The following LRRC4C variants were observed in gnomAD, a reference collection of about 807,000 sequenced individuals.
LRRC4C encodes leucine-rich repeat-containing protein 4C.
A neutral mutation model predicts 33.6 loss-of-function variants in LRRC4C; 5 were observed. That is an observed-to-expected ratio of 0.15 (90% CI 0.08 to 0.31). The LOEUF (loss-of-function observed/expected upper bound fraction) is 0.31, where lower values mean the gene tolerates loss of function less well. Ranked by LOEUF, LRRC4C falls within the 10% of genes least tolerant of loss-of-function variation. The pLI is 1.00. For missense variants in LRRC4C, 560 were observed against 796.7 expected, an observed-to-expected ratio of 0.70 and a Z score of 3.58; for synonymous variants, 329 against 302.0, an observed-to-expected ratio of 1.09 and a Z score of -0.93.
At chr11:41,280,701 T>C (rs528513678) in intron 1 of LRRC4C, among the ~76,000 whole-genome samples, 1 of 152,328 alleles carries the variant, frequency 6.6e-6, no homozygotes, top group South Asian at 2.1e-4. Context: ...CATGTCCTTC[T>C]AGTATAGAAA....
chr11:40,720,541 A>C (rs1946959344), intron 2 of LRRC4C, among the ~76,000 whole-genome samples: 1 of 152,326 alleles, frequency 6.6e-6, no homozygotes, highest in South Asian at 2.1e-4. Context: ...AGTGAAACAT[A>C]GTGATTATAT....
intron 3 of LRRC4C, among the ~76,000 whole-genome samples, chr11:40,374,431 T>C (rs1366306231): frequency 1.3e-5 from 2 of 152,188 alleles, no homozygotes; most frequent in Non-Finnish European, 2.9e-5. Flanking sequence ...TATTTAATGG[T>C]ATTTATAATT....
At chr11:40,455,359 T>A (rs1040189726) in intron 3 of LRRC4C, among the ~76,000 whole-genome samples, 3 of 152,174 alleles carry the variant, frequency 2.0e-5, no homozygotes, top group Admixed American at 6.5e-5. Context: ...AGGATAGGCA[T>A]CCATCTGTCC....
At chr11:40,849,238 A>G (rs7925754) in intron 2 of LRRC4C, among the ~76,000 whole-genome samples, 7,693 of 152,192 alleles carry the variant, frequency 0.051, 491 homozygotes, top group African/African-American at 0.15. Context: ...CATAGTGTCA[A>G]TGGTCTTTAC....
intron 1 of LRRC4C, among the ~76,000 whole-genome samples, chr11:41,369,887 G>A (rs980012075): frequency 1.3e-5 from 2 of 152,184 alleles, no homozygotes. Flanking sequence ...CTAGGTACAA[G>A]GAGACTAATT....
intron 3 of LRRC4C, among the ~76,000 whole-genome samples, chr11:40,489,288 T>C (rs948827231): frequency 1.3e-5 from 2 of 152,106 alleles, no homozygotes; most frequent in Admixed American, 6.6e-5. Context: ...TGTAAGTCAC[T>C]CTCTGCCTAC....
intron 3 of LRRC4C, among the ~76,000 whole-genome samples, chr11:40,435,822 G>A (rs1951117806): frequency 6.6e-6 from 1 of 152,178 alleles, no homozygotes; most frequent in South Asian, 2.1e-4. Flanking sequence ...TCCTATAGGG[G>A]AATGAGGTGA....
At chr11:40,510,077 C>A (rs1955234917) in intron 3 of LRRC4C, among the ~76,000 whole-genome samples, 1 of 152,044 alleles carries the variant, frequency 6.6e-6, no homozygotes, top group South Asian at 2.1e-4. Context: ...GGAATCACCT[C>A]AGGGGTTCTT....
chr11:41,433,553 C>G (rs1381697036), intron 1 of LRRC4C, among the ~76,000 whole-genome samples: 2 of 152,108 alleles, frequency 1.3e-5, no homozygotes, highest in Non-Finnish European at 2.9e-5. Context: ...CACCCTGAAT[C>G]TGGGTGGGCA....
At chr11:40,681,425 G>A (rs1408663677) in intron 2 of LRRC4C, among the ~76,000 whole-genome samples, 1 of 152,196 alleles carries the variant, frequency 6.6e-6, no homozygotes, top group Non-Finnish European at 1.5e-5. Flanking sequence ...ACATTGTACA[G>A]TGAATGGCAA....
intron 3 of LRRC4C, among the ~76,000 whole-genome samples, chr11:40,502,182 AT>A (rs1954810334): frequency 1.3e-5 from 2 of 152,132 alleles, no homozygotes; most frequent in African/African-American, 4.8e-5. Flanking sequence ...CATTATCAGC[AT>A]TTTGGTCAAA....
intron 1 of LRRC4C, among the ~76,000 whole-genome samples, chr11:40,938,580 A>C (rs1958009933): frequency 6.6e-6 from 1 of 152,274 alleles, no homozygotes; most frequent in African/African-American, 2.4e-5. Context: ...AGTTTTAACC[A>C]CCTACTGCCT....
intron 1 of LRRC4C, among the ~76,000 whole-genome samples, chr11:41,027,312 G>T (rs1328018643): frequency 6.6e-6 from 1 of 151,594 alleles, no homozygotes; most frequent in African/African-American, 2.4e-5. Context: ...CTACCGGAGG[G>T]TACTTGACCT....
chr11:40,240,075 T>A (rs1254832906), intron 5 of LRRC4C, among the ~76,000 whole-genome samples: 1 of 152,326 alleles, frequency 6.6e-6, no homozygotes, highest in East Asian at 1.9e-4. Context: ...ATACTGGATA[T>A]TCTGGCATCA....
intron 3 of LRRC4C, among the ~76,000 whole-genome samples, chr11:40,495,782 C>A: frequency 8.0e-6 from 1 of 125,252 alleles, no homozygotes; most frequent in Non-Finnish European, 1.6e-5. Flanking sequence ...GAACTTGGGA[C>A]ATCGATTTTA....
chr11:40,128,967 C>T (rs1193228429), intron 6 of LRRC4C, among the ~76,000 whole-genome samples: 1 of 152,140 alleles, frequency 6.6e-6, no homozygotes, highest in Non-Finnish European at 1.5e-5. Context: ...CTCATACGCT[C>T]AGGTGCATAT....
intron 3 of LRRC4C, among the ~76,000 whole-genome samples, chr11:40,384,985 ATT>A (rs1421823974): frequency 2.0e-5 from 3 of 152,188 alleles, no homozygotes; most frequent in Admixed American, 6.5e-5. Flanking sequence ...ATATTTTTGT[ATT>A]GTTTTGTATA....
intron 5 of LRRC4C, among the ~76,000 whole-genome samples, chr11:40,234,794 G>C (rs1865445144): frequency 1.3e-5 from 2 of 152,122 alleles, no homozygotes. Flanking sequence ...AACCTTACTT[G>C]TAGGGGCTAC....
intron 2 of LRRC4C, among the ~76,000 whole-genome samples, chr11:40,699,869 T>G (rs954438824): frequency 6.6e-5 from 10 of 152,176 alleles, no homozygotes; most frequent in Non-Finnish European, 1.0e-4. Context: ...AAACTAAAAT[T>G]AGAGTCTTCA....
Sources: allele counts gnomAD v4.1 joint callset (sites outside exome capture counted in the v4.1 genomes callset), GRCh38; gene constraint gnomAD v4.1.1; transcripts MANE v1.5; gene names NCBI Gene and HGNC (gene_info 2026-07-23, HGNC 2026-07-21).